The following CATSPERT variants were observed in gnomAD, a reference collection of about 807,000 sequenced individuals.
CATSPERT encodes the protein cation channel sperm-associated targeting subunit tau.
the CATSPERT span, among the ~76,000 whole-genome samples, chr2:201,511,003 G>T: frequency 6.6e-6 from 1 of 152,232 alleles, no homozygotes; most frequent in African/African-American, 2.4e-5. Context: ...TTGTAAATAT[G>T]GGCAGAGATT....
the CATSPERT span, among the ~76,000 whole-genome samples, chr2:201,610,948 A>C: frequency 6.6e-6 from 1 of 152,188 alleles, no homozygotes; most frequent in African/African-American, 2.4e-5. Context: ...AAAATTCAAC[A>C]AACTGGCATA....
chr2:201,494,186 T>C, the CATSPERT span: 1 of 1,534,270 alleles, frequency 6.5e-7, no homozygotes, highest in East Asian at 2.4e-5. Flanking sequence ...TCCATACTAC[T>C]TGATGATTTA....
At chr2:201,495,821 C>A in the CATSPERT span, 1 of 948,366 alleles carries the variant, frequency 1.1e-6, no homozygotes, top group Non-Finnish European at 1.5e-6. Flanking sequence ...CTTTTTAGAA[C>A]TATTGAATTA....
the CATSPERT span, among the ~76,000 whole-genome samples, chr2:201,614,821 C>A: frequency 4.6e-5 from 7 of 151,922 alleles, no homozygotes; most frequent in African/African-American, 1.7e-4. Context: ...ACCTATCTCA[C>A]GTACAGAGAT....
chr2:201,546,790 T>C, the CATSPERT span, among the ~76,000 whole-genome samples: 1 of 152,106 alleles, frequency 6.6e-6, no homozygotes, highest in Non-Finnish European at 1.5e-5. Context: ...CCCCAGAGAA[T>C]TGAAAACATT....
At chr2:201,529,662 C>T in the CATSPERT span, among the ~76,000 whole-genome samples, 7 of 151,970 alleles carry the variant, frequency 4.6e-5, no homozygotes, top group African/African-American at 1.4e-4. Flanking sequence ...TAGAGGAAAA[C>T]ATAAGGGAAA....
At chr2:201,552,564 A>G in the CATSPERT span, among the ~76,000 whole-genome samples, 1 of 152,196 alleles carries the variant, frequency 6.6e-6, no homozygotes, top group Non-Finnish European at 1.5e-5. Context: ...CTTTTTGTAA[A>G]ACATGAAATA....
chr2:201,525,750 T>C, the CATSPERT span, among the ~76,000 whole-genome samples: 1 of 151,284 alleles, frequency 6.6e-6, no homozygotes. Flanking sequence ...AGAGAGAAGA[T>C]CCAAATAAAC....
At chr2:201,598,455 T>A in the CATSPERT span, among the ~76,000 whole-genome samples, 1 of 150,598 alleles carries the variant, frequency 6.6e-6, no homozygotes, top group Non-Finnish European at 1.5e-5. Flanking sequence ...CTGTAAGTTA[T>A]GATGTTCTGG....
At chr2:201,573,005 A>C in the CATSPERT span, among the ~76,000 whole-genome samples, 1 of 152,208 alleles carries the variant, frequency 6.6e-6, no homozygotes, top group Non-Finnish European at 1.5e-5. Context: ...ATATGCAAAT[A>C]AAGGTCATTT....
At chr2:201,603,002 T>C in the CATSPERT span, among the ~76,000 whole-genome samples, 13 of 152,298 alleles carry the variant, frequency 8.5e-5, no homozygotes, top group East Asian at 2.3e-3. Context: ...GACATGTAAA[T>C]GGGCCACTTC....
chr2:201,493,091 G>T, the CATSPERT span: 1 of 1,529,410 alleles, frequency 6.5e-7, no homozygotes, highest in South Asian at 1.2e-5. Context: ...CTTTCAGAAT[G>T]ATTATATTTG....
the CATSPERT span, among the ~76,000 whole-genome samples, chr2:201,527,423 T>C: frequency 6.6e-6 from 1 of 152,156 alleles, no homozygotes; most frequent in Non-Finnish European, 1.5e-5. Context: ...AAAATTCATA[T>C]GGAGCCAAAA....
At chr2:201,618,873 G>C in the CATSPERT span, 4 of 1,609,318 alleles carry the variant, frequency 2.5e-6, no homozygotes, top group Non-Finnish European at 3.4e-6. Flanking sequence ...GGTCCTCCAG[G>C]TGCCGGCCAG....
At chr2:201,583,873 A>C in the CATSPERT span, among the ~76,000 whole-genome samples, 1 of 152,244 alleles carries the variant, frequency 6.6e-6, no homozygotes, top group Non-Finnish European at 1.5e-5. Context: ...AACCAAACTG[A>C]AAATATACTC....
the CATSPERT span, among the ~76,000 whole-genome samples, chr2:201,576,793 A>G: frequency 6.6e-6 from 1 of 152,172 alleles, no homozygotes; most frequent in African/African-American, 2.4e-5. Context: ...AGACACAAAC[A>G]TGCATGGGCC....
chr2:201,571,253 T>C, the CATSPERT span, among the ~76,000 whole-genome samples: 1 of 152,196 alleles, frequency 6.6e-6, no homozygotes, highest in Non-Finnish European at 1.5e-5. Flanking sequence ...TAATATCCAG[T>C]GTTGGTGAGA....
At chr2:201,603,196 A>T in the CATSPERT span, 2 of 1,596,384 alleles carry the variant, frequency 1.3e-6, no homozygotes, top group Admixed American at 3.5e-5. Context: ...TATAATTACT[A>T]TGATTCTTAA....
chr2:201,619,157 G>A, the CATSPERT span: 1 of 1,610,914 alleles, frequency 6.2e-7, no homozygotes, highest in Admixed American at 1.7e-5. Flanking sequence ...GCCTGTCTGC[G>A]CCCAACCGAC....
Sources: gnomAD v4.1 joint callset for allele counts (sites outside exome capture counted in the v4.1 genomes callset) on GRCh38, gnomAD v4.1.1 for gene constraint, MANE v1.5 for transcripts, NCBI Gene and HGNC (gene_info 2026-07-23, HGNC 2026-07-21) for gene names.